Variants in PARP6 observed in about 807,000 individuals in gnomAD.
PARP6 encodes the protein protein mono-ADP-ribosyltransferase PARP6.
PARP6 carries 27 observed loss-of-function variants against 92.0 expected under a neutral mutation model. The ratio of observed to expected loss-of-function variants is 0.29; its 90% CI spans 0.22 to 0.40. The LOEUF (loss-of-function observed/expected upper bound fraction) is 0.40, where lower values mean the gene tolerates loss of function less well. Among genes scored for constraint, PARP6 ranks in the 10% least tolerant of loss-of-function variants. The pLI is 1.00. For missense variants in PARP6, 501 were observed against 784.5 expected (o/e 0.64, Z 4.32); for synonymous variants, 272 against 281.2 (o/e 0.97, Z 0.33).
At position 72,251,199 on chromosome 15, in the gene PARP6, T is replaced by C. The variant is rs1567182044; in HGVS notation, c.1308+8A>G. The C allele has an allele frequency of 1.3e-6, 2 of 1,571,676 alleles. No homozygotes were observed. Among genetic ancestry groups the C allele is most frequent in the Admixed American group, 1.7e-5 (1 of 59,976 alleles). Reference sequence around the variant, plus strand: ...TTTAAAGCATTTAGAGGGAGAATGGTCACTTACCCTGCTGAGAGGTAGTTT... The same window carrying C: ...TTTAAAGCATTTAGAGGGAGAATGGCCACTTACCCTGCTGAGAGGTAGTTT... On this transcript the variant is annotated splice_region_variant and intron_variant, in intron 17 of 23. Transcript: ENST00000569795.
In PARP6 at chr15:72,261,668, C is replaced by T. The variant is rs2085910284; in HGVS notation, c.435G>A (p.Leu145=). 2 of 1,613,980 alleles carry T rather than the reference C, an allele frequency of 1.2e-6. No homozygotes were observed. The highest frequency in any genetic ancestry group is 4.5e-5 in the East Asian group (2 of 44,876). Residue 145 remains leucine, a synonymous_variant, in exon 9 of 24, where the codon CTG becomes CTA. Transcript: ENST00000569795. ...GCTGGGTCTTCAAGAAATCATTGCT[C>T]AGATGTTTCCATTGTTGGGATGTAA... ...GMFTSQQWKH[L]SNDFLKTQQE... is the part of the protein sequence containing the mutation.
intron 16 of PARP6, among the ~76,000 whole-genome samples, chr15:72,251,876 C>T (rs572477893): frequency 3.9e-5 from 6 of 152,330 alleles, no homozygotes; most frequent in African/African-American, 1.4e-4. Context: ...ACTGAGGGCT[C>T]AGCAAGAGAG....
At chr15:72,263,095 T>C (rs1276296274) in intron 8 of PARP6, among the ~76,000 whole-genome samples, 1 of 152,166 alleles carries the variant, frequency 6.6e-6, no homozygotes, top group Non-Finnish European at 1.5e-5. Context: ...AAATAACATG[T>C]CAAAAATGGA....
At chr15:72,264,056 C>T (rs183995622) in intron 8 of PARP6, among the ~76,000 whole-genome samples, 16 of 151,992 alleles carry the variant, frequency 1.1e-4, no homozygotes, top group Non-Finnish European at 2.2e-4. Context: ...TTAATCATCA[C>T]CCTTTCAACA....
At chr15:72,259,367 C>T (rs2085544737) in intron 11 of PARP6, among the ~76,000 whole-genome samples, 1 of 152,342 alleles carries the variant, frequency 6.6e-6, no homozygotes, top group East Asian at 1.9e-4. Context: ...TGAGTCTCGA[C>T]ACTCATACAC....
intron 20 of PARP6, among the ~76,000 whole-genome samples, chr15:72,248,442 A>G (rs1338889036): frequency 6.6e-6 from 1 of 151,958 alleles, no homozygotes; most frequent in Non-Finnish European, 1.5e-5. Context: ...CCCGGGTTCA[A>G]GCGATTCTCC....
intron 2 of PARP6, among the ~76,000 whole-genome samples, chr15:72,268,662 C>T (rs962848138): frequency 8.5e-5 from 13 of 152,224 alleles, no homozygotes; most frequent in Non-Finnish European, 1.8e-4. Context: ...CACGCCACTG[C>T]ACTCCAGCCT....
At chr15:72,270,172 C>A (rs2087199356) in intron 2 of PARP6, among the ~76,000 whole-genome samples, 1 of 152,070 alleles carries the variant, frequency 6.6e-6, no homozygotes, top group South Asian at 2.1e-4. Context: ...CCTGATCCTT[C>A]AGAAACAACA....
chr15:72,256,019 G>C (rs946658911), intron 14 of PARP6, among the ~76,000 whole-genome samples: 6 of 151,164 alleles, frequency 4.0e-5, no homozygotes, highest in African/African-American at 1.2e-4. Flanking sequence ...GGATGGTCTC[G>C]ATCTCCTGAC....
At chr15:72,255,782 CTCTT>C (rs1471421911) in intron 14 of PARP6, among the ~76,000 whole-genome samples, 5 of 61,850 alleles carry the variant, frequency 8.1e-5, no homozygotes, top group South Asian at 6.5e-4. Flanking sequence ...TATTACTTCT[CTCTT>C]TTTTTTTTTT....
intron 20 of PARP6, among the ~76,000 whole-genome samples, chr15:72,247,624 GTTTAT>G (rs1226983753): frequency 6.6e-6 from 1 of 152,044 alleles, no homozygotes; most frequent in Non-Finnish European, 1.5e-5. Flanking sequence ...GCTTGGTGAG[GTTTAT>G]TTTGTGTGTG....
chr15:72,247,764 G>A (rs188426413), intron 20 of PARP6, among the ~76,000 whole-genome samples: 48 of 152,004 alleles, frequency 3.2e-4, no homozygotes, highest in African/African-American at 1.1e-3. Flanking sequence ...TATTAGCATA[G>A]TGTAGGTAAC....
In PARP6 at chr15:72,250,307, G is replaced by A. The variant is rs567948868; in HGVS notation, c.1419-215C>T. On this transcript the variant is annotated intron_variant, in intron 18 of 23. Transcript: ENST00000569795. ...CTATTTCCAGTCCCATCCTCTCTTC[G>A]GTGCTTCAGCTACTCCCATCCTAAA... is the stretch of plus-strand genomic sequence containing the variant. 3.9e-5 allele frequency: 19 copies of A among 486,430 alleles called. No homozygotes were observed. The Middle Eastern group carries it at 3.2e-3, about 83-fold the overall frequency. The allele number at this position is 486,430 out of a possible 1,614,324, so 30.1% of individuals were successfully genotyped here.
chr15:72,270,785 C>T lies in PARP6; in HGVS notation c.-195+238G>A, dbSNP rs540480035. ...CTCCCTTCCCAGCTTTATTTTTTTC[C>T]ACTTACCATGTTCTAACATATAAAA... On this transcript the variant is annotated intron_variant, in intron 2 of 23. Transcript: ENST00000569795. Among the ~76,000 whole-genome samples the T allele has an allele frequency of 2.6e-5, 4 of 152,258 alleles. No individual in the cohort carries two copies. In the South Asian group the frequency reaches 8.3e-4, roughly 32 times the overall value.
chr15:72,269,899 CAAAAAA>C lies in PARP6; in HGVS notation c.-195+1118_-195+1123del, dbSNP rs59023007. 2.6e-4 allele frequency among the ~76,000 whole-genome samples: 26 copies of C among 100,202 alleles called. 1 individual carries two copies. The highest frequency in any genetic ancestry group is 8.0e-4 in the African/African-American group (22 of 27,642). The allele number at this position is 100,202 out of a possible 152,430, so 65.7% of individuals were successfully genotyped here. A position where few individuals can be genotyped will look rare whatever the true frequency, so the allele number is the denominator to read the frequency against. Reference sequence around the variant, plus strand: ...GGGGGGCAACAGCAAAACTCTGTCTCAAAAAAAAAAAAAAAAAAAGAAAAAGAAAAA... The same window carrying C: ...GGGGGGCAACAGCAAAACTCTGTCTCAAAAAAAAAAAAAGAAAAAGAAAAA... On this transcript the variant is annotated intron_variant, in intron 2 of 23. Coordinates refer to ENST00000569795, the MANE Select transcript of PARP6 (RefSeq NM_001323532.2).
In PARP6 at chr15:72,267,479, G is replaced by A; in HGVS notation, c.-2C>T. On this transcript the variant is annotated 5_prime_UTR_variant, in exon 3 of 24. Coordinates refer to ENST00000569795, the MANE Select transcript of PARP6 (RefSeq NM_001323532.2). ...AGGTGGGCAGTCAGTTCTCACCATT[G>A]GGTCAGTGGGTCACACACACTCTCA... is the stretch of plus-strand genomic sequence containing the variant. The A allele has an allele frequency of 1.2e-6, 2 of 1,613,886 alleles. No individual in the cohort carries two copies. Among genetic ancestry groups the A allele is most frequent in the South Asian group, 2.2e-5 (2 of 91,072 alleles).
rs770577160 is a variant in PARP6 at position 72,242,015 on chromosome 15, T to C, written c.1706-30A>G. 7.1e-6 allele frequency: 11 copies of C among 1,550,930 alleles called. No homozygotes were observed. The highest frequency in any genetic ancestry group is 5.3e-6 in the Non-Finnish European group (6 of 1,122,444). On this transcript the variant is annotated intron_variant, in intron 22 of 23. Transcript: ENST00000569795. This position sits in a 1 kb window ranked among gnomAD's most constrained non-coding sequence, Gnocchi z 4.3. ...GAGAAAGAGGGCCAGAAATCATAGATACAATGCTTAAGGCACAGAGTCCAG... is the reference window on the plus strand; with the variant it reads ...GAGAAAGAGGGCCAGAAATCATAGACACAATGCTTAAGGCACAGAGTCCAG...
In PARP6 at chr15:72,255,166, T is replaced by C. The variant is rs1051789662; in HGVS notation, c.1126-646A>G. Reference sequence around the variant, plus strand: ...TGGATTATCAGTCTTTTCCAGTCTTTGGATTTGAACTAAAAAAAAAATTGG... The same window carrying C: ...TGGATTATCAGTCTTTTCCAGTCTTCGGATTTGAACTAAAAAAAAAATTGG... On this transcript the variant is annotated intron_variant, in intron 14 of 23. Transcript: ENST00000569795. 2.0e-5 allele frequency among the ~76,000 whole-genome samples: 3 copies of C among 152,186 alleles called. 1 individual carries two copies. Among genetic ancestry groups the C allele is most frequent in the Non-Finnish European group, 4.4e-5 (3 of 68,032 alleles).
chr15:72,252,714 A>AAGTGTTCCCAAAGGAT (rs2084536471), intron 16 of PARP6, among the ~76,000 whole-genome samples: 2 of 152,050 alleles, frequency 1.3e-5, no homozygotes, highest in South Asian at 4.1e-4. Context: ...CGAACTCCCA[A>AAGTGTTCCCAAAGGAT]CCTCAGGTGA....
Sources: gnomAD v4.1 joint callset for allele counts (sites outside exome capture counted in the v4.1 genomes callset) on GRCh38, gnomAD v4.1.1 for gene constraint, Gnocchi (gnomAD v3.1) non-coding constraint, MANE v1.5 for transcripts, NCBI Gene and HGNC (gene_info 2026-07-23, HGNC 2026-07-21) for gene names.